PDE4D: variants seen among roughly 807,000 people sequenced by gnomAD.
PDE4D encodes 3',5'-cyclic-AMP phosphodiesterase 4D.
Under a neutral mutation model 87.4 loss-of-function variants are expected in PDE4D, and 24 were observed. The observed-to-expected ratio is 0.27, with a 90% CI of 0.20 to 0.39. PDE4D has a LOEUF of 0.39. PDE4D is among the 10% of genes least tolerant of loss of function. The pLI, the probability that PDE4D is intolerant of heterozygous loss-of-function variation, is 1.00. For missense variants in PDE4D, 714 were observed against 1,041.0 expected, an observed-to-expected ratio of 0.69 and a Z score of 4.32; for synonymous variants, 384 against 383.2, an observed-to-expected ratio of 1.00 and a Z score of -0.02.
At chr5:59,079,680 A>AATT (rs1035130595) in intron 5 of PDE4D, among the ~76,000 whole-genome samples, 1 of 150,960 alleles carries the variant, frequency 6.6e-6, no homozygotes, top group Non-Finnish European at 1.5e-5. Flanking sequence ...TAATAATAAT[A>AATT]ATAATAATAA....
At chr5:59,668,908 A>G (rs1379437511) in intron 1 of PDE4D, among the ~76,000 whole-genome samples, 4 of 72,656 alleles carry the variant, frequency 5.5e-5, no homozygotes, top group East Asian at 4.4e-3. Context: ...AAGAAGAAGA[A>G]GAAGAAGAAG....
At position 59,039,099 on chromosome 5, in the gene PDE4D, C is replaced by T. The variant is rs985962143; in HGVS notation, c.809-128G>A. On this transcript the variant is annotated intron_variant, in intron 5 of 14. Coordinates refer to ENST00000340635, the MANE Select transcript of PDE4D (RefSeq NM_001104631.2). ...GCCCGGTGCCGGCACATGAGGGCTG[C>T]TCCTTCATATTGCCCAGCCCGGCAG... 4.1e-6 allele frequency: 6 copies of T among 1,446,940 alleles called. No homozygotes were observed. In the African/African-American group the frequency reaches 8.7e-5, roughly 21 times the overall value. 89.6% of individuals were successfully genotyped at this position (1,446,940 alleles called of 1,614,324 possible). A position where few individuals can be genotyped will look rare whatever the true frequency, so the allele number is the denominator to read the frequency against.
chr5:59,065,508 C>T (rs1376410687), intron 5 of PDE4D, among the ~76,000 whole-genome samples: 1 of 151,702 alleles, frequency 6.6e-6, no homozygotes, highest in African/African-American at 2.4e-5. Flanking sequence ...GAAAACAAAA[C>T]AAAAAAACCC....
intron 1 of PDE4D, among the ~76,000 whole-genome samples, chr5:59,230,467 A>T (rs1754917198): frequency 6.6e-6 from 1 of 152,220 alleles, no homozygotes; most frequent in Admixed American, 6.5e-5. Context: ...CTTACTAAAA[A>T]TTAATCTCCA....
chr5:59,035,995 T>C (rs1758432487), intron 6 of PDE4D, among the ~76,000 whole-genome samples: 1 of 152,228 alleles, frequency 6.6e-6, no homozygotes, highest in Admixed American at 6.5e-5. Flanking sequence ...CCTGCTTCAA[T>C]GCCATCAACA....
At chr5:59,305,988 C>T (rs1451420340) in intron 1 of PDE4D, among the ~76,000 whole-genome samples, 1 of 152,108 alleles carries the variant, frequency 6.6e-6, no homozygotes. Context: ...CAGTGAAGTA[C>T]TGAAGTCCCC....
At chr5:59,144,054 A>G (rs984947526) in intron 5 of PDE4D, among the ~76,000 whole-genome samples, 1 of 152,244 alleles carries the variant, frequency 6.6e-6, no homozygotes, top group Non-Finnish European at 1.5e-5. Flanking sequence ...TGCTTTAAAG[A>G]TCACAGATCC....
intron 1 of PDE4D, among the ~76,000 whole-genome samples, chr5:59,354,589 C>A (rs577341827): frequency 6.6e-6 from 1 of 152,206 alleles, no homozygotes; most frequent in Admixed American, 6.5e-5. Context: ...ATGATATGTA[C>A]CTTTTTTCAT....
intron 5 of PDE4D, among the ~76,000 whole-genome samples, chr5:59,135,495 T>C (rs1776920074): frequency 2.0e-5 from 3 of 152,176 alleles, no homozygotes; most frequent in African/African-American, 7.2e-5. Context: ...AAAAAGTAAA[T>C]CTGAGCTTCT....
intron 2 of PDE4D, among the ~76,000 whole-genome samples, chr5:59,995,032 G>GT (rs796648097): frequency 5.3e-5 from 8 of 152,270 alleles, no homozygotes; most frequent in African/African-American, 1.9e-4. Context: ...GATCAAAGCT[G>GT]TAACAGAGAA....
At chr5:59,660,414 T>G (rs1580228286) in intron 1 of PDE4D, among the ~76,000 whole-genome samples, 1 of 152,170 alleles carries the variant, frequency 6.6e-6, no homozygotes, top group South Asian at 2.1e-4. Context: ...CTTCCTTTTA[T>G]TTATTTTTTC....
At chr5:59,272,953 C>T (rs749723776) in intron 1 of PDE4D, among the ~76,000 whole-genome samples, 2 of 152,016 alleles carry the variant, frequency 1.3e-5, no homozygotes, top group African/African-American at 2.4e-5. Context: ...AACTTCCAAA[C>T]GTAATGTTTG....
At chr5:59,983,854 TACCCAAAAGA>T (rs1290794082) in intron 3 of PDE4D, among the ~76,000 whole-genome samples, 1 of 152,174 alleles carries the variant, frequency 6.6e-6, no homozygotes, top group East Asian at 1.9e-4. Flanking sequence ...CCTGGGAATA[TACCCAAAAGA>T]AATGAGTGCA....
At chr5:59,825,506 G>A (rs912193294) in intron 1 of PDE4D, among the ~76,000 whole-genome samples, 3 of 152,188 alleles carry the variant, frequency 2.0e-5, no homozygotes, top group Non-Finnish European at 4.4e-5. Flanking sequence ...ACTGAGGACA[G>A]AGTCTCTGTG....
upstream of PDE4D, among the ~76,000 whole-genome samples, chr5:59,894,468 T>A (rs914231428): frequency 6.6e-6 from 1 of 152,180 alleles, no homozygotes; most frequent in Middle Eastern, 3.2e-3. Context: ...AAACATTGTG[T>A]GGCTCTTTCC....
chr5:59,119,064 A>G (rs1177564922), intron 5 of PDE4D, among the ~76,000 whole-genome samples: 3 of 152,300 alleles, frequency 2.0e-5, no homozygotes, highest in Non-Finnish European at 2.9e-5. Flanking sequence ...GATGAAATTA[A>G]AAAAAGCTTC....
At chr5:59,727,728 T>C (rs1455815039) in intron 1 of PDE4D, among the ~76,000 whole-genome samples, 2 of 152,088 alleles carry the variant, frequency 1.3e-5, no homozygotes, top group African/African-American at 4.8e-5. Flanking sequence ...GAGCATGTTC[T>C]TTTACTCAGC....
chr5:60,354,850 A>T (rs1759485872), intron 1 of PDE4D, among the ~76,000 whole-genome samples: 1 of 152,194 alleles, frequency 6.6e-6, no homozygotes, highest in Admixed American at 6.6e-5. Context: ...CTTGATAATA[A>T]ATCACTAGAG....
chr5:59,687,422 T>G (rs1012366012), intron 1 of PDE4D, among the ~76,000 whole-genome samples: 39 of 152,174 alleles, frequency 2.6e-4, no homozygotes, highest in Non-Finnish European at 2.6e-4. Flanking sequence ...GGGGCCAATA[T>G]TCAACATTCT....
Sources: allele counts gnomAD v4.1 joint callset (sites outside exome capture counted in the v4.1 genomes callset), GRCh38; gene constraint gnomAD v4.1.1; transcripts MANE v1.5; gene names NCBI Gene and HGNC (gene_info 2026-07-23, HGNC 2026-07-21).